The following TENM4 variants were observed in gnomAD, a reference collection of about 807,000 sequenced individuals.
TENM4 encodes teneurin-4.
In TENM4, 82 loss-of-function variants were observed where a neutral mutation model predicts 243.3. The ratio of observed to expected loss-of-function variants is 0.34; its 90% confidence interval spans 0.28 to 0.40. The LOEUF (loss-of-function observed/expected upper bound fraction) is 0.40. Among genes scored for constraint, TENM4 ranks in the 10% least tolerant of loss-of-function variants. The pLI, the probability that TENM4 is intolerant of heterozygous loss-of-function variation, is 1.00. For synonymous variants in TENM4, 1,412 were observed against 1,456.3 expected (o/e 0.97, Z 0.69); for missense variants, 3,138 against 3,673.3 (o/e 0.85, Z 3.77).
chr11:79,018,345 T>A (rs1858832674), intron 6 of TENM4, among the ~76,000 whole-genome samples: 2 of 152,160 alleles, frequency 1.3e-5, no homozygotes, highest in Admixed American at 1.3e-4. Flanking sequence ...AGCTGGCTCC[T>A]TGGTCTGATA....
intron 1 of TENM4, among the ~76,000 whole-genome samples, chr11:79,427,289 T>C (rs1362141808): frequency 1.3e-5 from 2 of 152,196 alleles, no homozygotes; most frequent in Non-Finnish European, 2.9e-5. Context: ...GAAATTGGAC[T>C]GAAGAAAATA....
intron 6 of TENM4, among the ~76,000 whole-genome samples, chr11:78,923,738 C>T (rs1335437052): frequency 2.5e-5 from 3 of 121,322 alleles, no homozygotes; most frequent in South Asian, 3.2e-4. Flanking sequence ...TGGGGTTTCA[C>T]CATGTTGGCC....
At chr11:79,310,045 A>G (rs1374957432) in intron 1 of TENM4, among the ~76,000 whole-genome samples, 1 of 152,094 alleles carries the variant, frequency 6.6e-6, no homozygotes, top group African/African-American at 2.4e-5. Context: ...CACATGCCAC[A>G]TGGAATTACC....
At chr11:79,029,740 G>A (rs1266167474) in intron 6 of TENM4, among the ~76,000 whole-genome samples, 4 of 152,126 alleles carry the variant, frequency 2.6e-5, no homozygotes, top group African/African-American at 9.7e-5. Flanking sequence ...ACACGGGGAG[G>A]GCATAAAACG....
intron 1 of TENM4, chr11:79,422,247 T>TCACACACACACACACACACACA (rs1858948430): frequency 1.3e-5 from 1 of 75,130 alleles, no homozygotes; most frequent in Non-Finnish European, 3.0e-5. Flanking sequence ...CACATGGTTC[T>TCACACACACACACACACACACA]TACACACACA....
intron 26 of TENM4, among the ~76,000 whole-genome samples, chr11:78,710,159 T>A (rs1425809098): frequency 6.6e-6 from 1 of 152,234 alleles, no homozygotes; most frequent in Non-Finnish European, 1.5e-5. Context: ...ATTATAAAAT[T>A]TTCTGGTCGT....
chr11:78,720,894 GA>G (rs1041304326), intron 24 of TENM4, among the ~76,000 whole-genome samples: 1 of 151,792 alleles, frequency 6.6e-6, no homozygotes, highest in Non-Finnish European at 1.5e-5. Context: ...ACAGGCCTAG[GA>G]AAAAAAGACT....
chr11:79,321,222 C>T (rs1279993073), intron 1 of TENM4, among the ~76,000 whole-genome samples: 1 of 152,144 alleles, frequency 6.6e-6, no homozygotes, highest in Admixed American at 6.5e-5. Context: ...ACCAGGACTC[C>T]TGGATACCAA....
chr11:79,091,308 T>C (rs1860943176), intron 4 of TENM4, among the ~76,000 whole-genome samples: 1 of 152,206 alleles, frequency 6.6e-6, no homozygotes, highest in South Asian at 2.1e-4. Flanking sequence ...TCTTCCTGTT[T>C]TCTCATTTAA....
chr11:78,936,817 T>C (rs764575538), intron 6 of TENM4, among the ~76,000 whole-genome samples: 1 of 152,148 alleles, frequency 6.6e-6, no homozygotes, highest in African/African-American at 2.4e-5. Context: ...TGTGTTAGAA[T>C]GAGAAGGTGG....
intron 4 of TENM4, among the ~76,000 whole-genome samples, chr11:79,094,469 C>G (rs146295352): frequency 8.1e-4 from 124 of 152,276 alleles, no homozygotes; most frequent in African/African-American, 2.6e-3. Context: ...CCATATTCGT[C>G]TACCATGCCT....
intron 20 of TENM4, 148 bp from the exon 21 acceptor site, chr11:78,732,725 T>A: frequency 1.1e-6 from 1 of 932,932 alleles, no homozygotes; most frequent in Non-Finnish European, 1.5e-6. Context: ...AATATTTGAC[T>A]GCAGCTCCAA....
chr11:79,409,093 T>C (rs1273447977), intron 1 of TENM4, among the ~76,000 whole-genome samples: 6 of 111,348 alleles, frequency 5.4e-5, no homozygotes, highest in Non-Finnish European at 1.2e-4. Flanking sequence ...TGTGTGTGTG[T>C]GTGTGTGTGC....
At chr11:79,361,890 C>T (rs1015983299) in intron 1 of TENM4, among the ~76,000 whole-genome samples, 27 of 152,078 alleles carry the variant, frequency 1.8e-4, no homozygotes, top group Admixed American at 1.5e-3. Flanking sequence ...TGGTTAGTCA[C>T]GTAGCAGAAT....
intron 10 of TENM4, among the ~76,000 whole-genome samples, chr11:78,858,763 C>G (rs892937774): frequency 3.9e-5 from 6 of 152,084 alleles, no homozygotes; most frequent in Non-Finnish European, 8.8e-5. Context: ...GGCAAAAAGT[C>G]TTGTGTATAC....
At chr11:79,013,477 G>C (rs1055799067) in intron 6 of TENM4, among the ~76,000 whole-genome samples, 3 of 152,230 alleles carry the variant, frequency 2.0e-5, no homozygotes, top group Admixed American at 6.5e-5. Flanking sequence ...CTCTGGGCAG[G>C]CACCAGGCCC....
At chr11:79,145,110 C>G (rs1331618929) in intron 4 of TENM4, among the ~76,000 whole-genome samples, 1 of 151,974 alleles carries the variant, frequency 6.6e-6, no homozygotes, top group African/African-American at 2.4e-5. Flanking sequence ...AAAAGAAATA[C>G]ATTTCATACC....
At chr11:78,802,123 C>A (rs1356171425) in intron 15 of TENM4, among the ~76,000 whole-genome samples, 1 of 152,216 alleles carries the variant, frequency 6.6e-6, no homozygotes, top group Non-Finnish European at 1.5e-5. Context: ...AGTTTCTTGG[C>A]TCTAGTGAAT....
intron 30 of TENM4, 130 bp downstream of exon 30, chr11:78,676,022 C>T (rs1858459377): frequency 1.1e-6 from 1 of 890,638 alleles, no homozygotes; most frequent in Non-Finnish European, 1.6e-6. Flanking sequence ...ACACATGGTT[C>T]CCTGATTTAG....
Sources: allele counts gnomAD v4.1 joint callset (sites outside exome capture counted in the v4.1 genomes callset), GRCh38; gene constraint gnomAD v4.1.1; transcripts MANE v1.5; gene names NCBI Gene and HGNC (gene_info 2026-07-23, HGNC 2026-07-21).